Variants in COCH observed in about 807,000 individuals in gnomAD.
COCH encodes the protein cochlin.
Under a neutral mutation model 54.8 loss-of-function variants are expected in COCH, and 40 were observed. The ratio of observed to expected loss-of-function variants is 0.73; its 90% CI spans 0.57 to 0.95. The LOEUF is 0.95. Among genes scored for constraint, COCH ranks in the 40% least tolerant of loss-of-function variants. The probability of loss-of-function intolerance (pLI) is 0.00; values close to 1 mark genes in which losing one functional copy is unlikely to be tolerated. For missense variants in COCH, 605 were observed against 675.0 expected, an observed-to-expected ratio of 0.90 and a Z score of 1.15; for synonymous variants, 256 against 237.9, an observed-to-expected ratio of 1.08 and a Z score of -0.70.
downstream of COCH, among the ~76,000 whole-genome samples, chr14:30,892,420 A>T (rs1896004946): frequency 6.6e-6 from 1 of 152,242 alleles, no homozygotes; most frequent in African/African-American, 2.4e-5. Flanking sequence ...TATTTCAAAA[A>T]AGAAGAAACA....
Position 30,879,413 on chromosome 14 carries a change from A to G in COCH, c.374-10A>G. ...AAAGGAAAAAAATAAGCTTATTTTT[A>G]TTTTAACAGAAGGCAAAAGTAGTAC... On this transcript the variant is annotated splice_polypyrimidine_tract_variant and intron_variant, in intron 5 of 11. Transcript: ENST00000396618. 6.2e-7 allele frequency: 1 copy of G among 1,613,758 alleles called. No individual in the cohort carries two copies. The highest frequency in any genetic ancestry group is 8.5e-7 in the Non-Finnish European group (1 of 1,179,750).
chr14:30,880,883 C>A, intron 8 of COCH, 149 bp downstream of exon 8: 1 of 692,630 alleles, frequency 1.4e-6, no homozygotes. Flanking sequence ...TATCCATCAC[C>A]TCAAACATTG....
downstream of COCH, chr14:30,894,888 TTTTTC>T (rs1296194199): frequency 7.8e-6 from 7 of 894,972 alleles, no homozygotes; most frequent in African/African-American, 2.5e-5. Context: ...TTAAATTTTC[TTTTTC>T]TTTTTTTTTT....
At chr14:30,878,717 T>C in intron 4 of COCH, 94 bp from the exon 5 acceptor site, 1 of 1,561,396 alleles carries the variant, frequency 6.4e-7, no homozygotes, top group Non-Finnish European at 8.8e-7. Flanking sequence ...TTTTCTTGAT[T>C]AATCAAAGCA....
downstream of COCH, chr14:30,895,388 T>C (rs370883096): frequency 6.3e-7 from 1 of 1,580,452 alleles, no homozygotes; most frequent in Non-Finnish European, 8.6e-7. Flanking sequence ...GCAAATCTTG[T>C]TACGATGCAA....
intron 11 of COCH, among the ~76,000 whole-genome samples, chr14:30,887,100 C>G (rs1895815970): frequency 6.6e-6 from 1 of 152,110 alleles, no homozygotes; most frequent in African/African-American, 2.4e-5. Context: ...CCTATCCCAT[C>G]AAAATTTCCT....
Position 30,885,851 on chromosome 14 carries a change from C to T in COCH, c.1016C>T (p.Thr339Ile). 1.9e-6 allele frequency: 3 copies of T among 1,614,104 alleles called. No individual in the cohort carries two copies. Among genetic ancestry groups the T allele is most frequent in the East Asian group, 2.2e-5 (1 of 44,890 alleles). ...FSYHMPNWFGTTKYVKPLVQK... is the reference protein window; with the variant it reads ...FSYHMPNWFGITKYVKPLVQK... ...TACCACATGCCCAACTGGTTTGGCA[C>T]CACAAAATACGTAAAGCCTCTGGTA... The change falls in exon 11 of 12, where the codon ACC (threonine) becomes ATC (isoleucine). Residue 339 changes from threonine to isoleucine, a missense_variant. Coordinates refer to ENST00000396618, the MANE Select transcript of COCH (RefSeq NM_004086.3).
chr14:30,885,833 T>A lies in COCH; in HGVS notation c.998T>A (p.Met333Lys), dbSNP rs752542741. Residue 333 changes from methionine (M) to lysine (K), a missense_variant, in exon 11 of 12, where the codon ATG becomes AAG. Met to Lys is a moderately conservative substitution (Grantham distance 95). Coordinates refer to ENST00000396618, the MANE Select transcript of COCH (RefSeq NM_004086.3). The part of the protein sequence containing the change: ...CRNNGFFSYH[M>K]PNWFGTTKYV... The stretch of plus-strand genomic sequence containing the variant: ...AATAATGGCTTCTTCTCTTACCACA[T>A]GCCCAACTGGTTTGGCACCACAAAA... The A allele has an allele frequency of 1.2e-6, 2 of 1,614,162 alleles. No homozygotes were observed. The highest frequency in any genetic ancestry group is 1.7e-6 in the Non-Finnish European group (2 of 1,180,004).
chr14:30,882,800 G>A (rs754856067), intron 8 of COCH, among the ~76,000 whole-genome samples: 3 of 152,074 alleles, frequency 2.0e-5, no homozygotes, highest in Admixed American at 6.6e-5. Flanking sequence ...GAGGTGTGAG[G>A]ATCTCTCAAG....
At chr14:30,894,801 C>A, downstream of COCH, 1 of 311,690 alleles carries the variant, frequency 3.2e-6, no homozygotes, top group Non-Finnish European at 5.5e-6. Context: ...TTGTGACAGG[C>A]TAAATATATA....
intron 11 of COCH, 112 bp downstream of exon 11, chr14:30,886,424 C>T (rs1895795220): frequency 8.7e-7 from 1 of 1,154,122 alleles, no homozygotes; most frequent in Non-Finnish European, 1.2e-6. Flanking sequence ...TGTGGCTTTA[C>T]CCAATATTAA....
Position 30,878,871 on chromosome 14 carries a change from C to T in COCH, c.300C>T (p.Asn100=), listed in dbSNP as rs750061309. The change falls in exon 5 of 12, where the codon AAC becomes AAT. Residue 100 remains asparagine (N), a synonymous_variant. Coordinates refer to ENST00000396618, the MANE Select transcript of COCH (RefSeq NM_004086.3). ...VRVYSLPGRE[N]YSSVDANGIQ... Reference sequence around the variant, plus strand: ...TCTATAGCCTACCTGGTCGAGAAAACTATTCCTCAGTAGATGCCAATGGCA... The same window carrying T: ...TCTATAGCCTACCTGGTCGAGAAAATTATTCCTCAGTAGATGCCAATGGCA... 1.2e-6 allele frequency: 2 copies of T among 1,614,164 alleles called. No homozygotes were observed. The highest frequency in any genetic ancestry group is 1.7e-5 in the Admixed American group (1 of 60,030).
intron 11 of COCH, among the ~76,000 whole-genome samples, chr14:30,887,238 A>G (rs1421194173): frequency 1.3e-5 from 2 of 152,034 alleles, no homozygotes; most frequent in African/African-American, 4.8e-5. Context: ...TATTAAAAAT[A>G]CAAAAATTAG....
chr14:30,875,443 C>T lies in COCH; in HGVS notation c.82+340C>T, dbSNP rs953852029. The T allele has an allele frequency of 9.2e-5, 54 of 584,646 alleles. No homozygotes were observed. In the East Asian group the frequency reaches 1.2e-3, roughly 13 times the overall value. 36.2% of individuals were successfully genotyped at this position (584,646 alleles called of 1,614,324 possible). ...CGAGGAAGGAGGACTCCTTGAGCCTCACCGAGGAGCGCACCAGTCCTGGGC... is the reference window on the plus strand; with the variant it reads ...CGAGGAAGGAGGACTCCTTGAGCCTTACCGAGGAGCGCACCAGTCCTGGGC... On this transcript the variant is annotated intron_variant, in intron 3 of 11. Coordinates refer to ENST00000396618, the MANE Select transcript of COCH (RefSeq NM_004086.3).
chr14:30,879,140 T>C (rs1295959869), intron 5 of COCH, among the ~76,000 whole-genome samples, 196 bp downstream of exon 5: 2 of 152,138 alleles, frequency 1.3e-5, no homozygotes, highest in African/African-American at 2.4e-5. Context: ...TAGAAGACAA[T>C]CTTACTGACA....
downstream of COCH, among the ~76,000 whole-genome samples, chr14:30,893,475 CAACT>C (rs1027443167): frequency 1.6e-4 from 25 of 152,098 alleles, no homozygotes; most frequent in African/African-American, 5.6e-4. Context: ...ACTTTTGCAC[CAACT>C]AACCTAAATA....
At chr14:30,882,979 C>T (rs55649568) in intron 8 of COCH, among the ~76,000 whole-genome samples, 4,474 of 152,272 alleles carry the variant, frequency 0.029, 100 homozygotes, top group Non-Finnish European at 0.043. Context: ...ATAAACAGTG[C>T]TATTACAAAT....
In COCH at chr14:30,884,538, CT is replaced by C; in HGVS notation, c.630-12del. 1 of 1,544,118 alleles carries C rather than the reference CT, an allele frequency of 6.5e-7. No homozygotes were observed. The highest frequency in any genetic ancestry group is 1.1e-5 in the South Asian group (1 of 89,612). On this transcript the variant is annotated splice_polypyrimidine_tract_variant and intron_variant, in intron 8 of 11. Transcript: ENST00000396618. Reference sequence around the variant, plus strand: ...TTTAATTCTCCCTGAATAACATTTTCTTTCTTCCACTCAGTGAACATCCCAA... The same window carrying C: ...TTTAATTCTCCCTGAATAACATTTTCTTCTTCCACTCAGTGAACATCCCAA...
At chr14:30,893,245 G>A (rs1020999823), downstream of COCH, among the ~76,000 whole-genome samples, 4 of 146,668 alleles carry the variant, frequency 2.7e-5, no homozygotes, top group African/African-American at 7.7e-5. Context: ...TCCGCCTCCC[G>A]GACTCACACC....
Sources: gnomAD v4.1 joint callset for allele counts (sites outside exome capture counted in the v4.1 genomes callset) on GRCh38, gnomAD v4.1.1 for gene constraint, MANE v1.5 for transcripts, NCBI Gene and HGNC (gene_info 2026-07-23, HGNC 2026-07-21) for gene names.